The following CDH4 variants were observed in gnomAD, a reference collection of about 807,000 sequenced individuals.
The protein encoded by CDH4 is cadherin 4.
Under a neutral mutation model 86.0 loss-of-function variants are expected in CDH4, and 33 were observed. The ratio of observed to expected loss-of-function variants is 0.38; its 90% CI spans 0.29 to 0.51. The LOEUF is 0.51. Among genes scored for constraint, CDH4 ranks in the 20% least tolerant of loss-of-function variants. The pLI is 0.86. For missense variants in CDH4, 1,114 were observed against 1,307.4 expected, an observed-to-expected ratio of 0.85 and a Z score of 2.28; for synonymous variants, 555 against 549.4, an observed-to-expected ratio of 1.01 and a Z score of -0.14.
At chr20:61,826,019 C>A (rs2146074153) in intron 4 of CDH4, among the ~76,000 whole-genome samples, 1 of 152,310 alleles carries the variant, frequency 6.6e-6, no homozygotes, top group South Asian at 2.1e-4. Flanking sequence ...ACCCCAGCCA[C>A]CATCCTATGT....
Position 61,377,029 on chromosome 20 carries a change from T to C in CDH4, c.169+122092T>C, listed in dbSNP as rs1044358177. Among the ~76,000 whole-genome samples, 18 of 152,134 alleles carry C rather than the reference T, an allele frequency of 1.2e-4. No individual in the cohort carries two copies. Among genetic ancestry groups the C allele is most frequent in the African/African-American group, 4.3e-4 (18 of 41,420 alleles). On this transcript the variant is annotated intron_variant, in intron 2 of 15. Transcript: ENST00000614565. This position sits in a 1 kb window ranked among gnomAD's most constrained non-coding sequence, Gnocchi z 4.0. Reference sequence around the variant, plus strand: ...GCTAGTTAGGCAAGCTGGAAAGCTGTAGGATGATCAAAATATGAACGTGCA... The same window carrying C: ...GCTAGTTAGGCAAGCTGGAAAGCTGCAGGATGATCAAAATATGAACGTGCA...
intron 2 of CDH4, among the ~76,000 whole-genome samples, chr20:61,364,622 T>C (rs1276460479): frequency 6.6e-6 from 1 of 152,208 alleles, no homozygotes; most frequent in Non-Finnish European, 1.5e-5. Context: ...TCTACAGACA[T>C]CCTGGTGCAC....
At position 61,745,592 on chromosome 20, in the gene CDH4, C is replaced by T. The variant is rs116468857; in HGVS notation, c.396+1803C>T. On this transcript the variant is annotated intron_variant, in intron 3 of 15. Transcript: ENST00000614565. ...CATGAGCCCCACCTGTGAGTCCTGA[C>T]GAGTCTAGGACGGTGTATGTCATTT... Among the ~76,000 whole-genome samples, 465 of 151,334 alleles carry T rather than the reference C, an allele frequency of 3.1e-3. 4 individuals are homozygous for T. Among genetic ancestry groups the T allele is most frequent in the African/African-American group, 0.011 (445 of 41,246 alleles).
At chr20:61,401,573 G>A (rs918292387) in intron 2 of CDH4, among the ~76,000 whole-genome samples, 3 of 152,176 alleles carry the variant, frequency 2.0e-5, no homozygotes, top group African/African-American at 4.8e-5. Context: ...GGCTTCAGGT[G>A]TGGCTGGATC....
intron 2 of CDH4, among the ~76,000 whole-genome samples, chr20:61,535,609 C>T (rs1209881964): frequency 6.6e-6 from 1 of 152,162 alleles, no homozygotes; most frequent in Admixed American, 6.5e-5. Context: ...GATGAAAACG[C>T]GGGGGCCTTC....
At chr20:61,485,326 A>AG (rs1316776197) in intron 2 of CDH4, among the ~76,000 whole-genome samples, 2 of 152,162 alleles carry the variant, frequency 1.3e-5, no homozygotes, top group African/African-American at 2.4e-5. Flanking sequence ...GCTATTGTGG[A>AG]TCACAGCACC....
chr20:61,873,531 A>C (rs1317890341), intron 6 of CDH4, among the ~76,000 whole-genome samples, 197 bp from the exon 7 acceptor site: 1 of 152,254 alleles, frequency 6.6e-6, no homozygotes, highest in Non-Finnish European at 1.5e-5. Flanking sequence ...TCTAGAAGAA[A>C]TCCTTCTATG....
chr20:61,584,262 G>A (rs1056535472), intron 2 of CDH4, among the ~76,000 whole-genome samples: 6 of 152,142 alleles, frequency 3.9e-5, no homozygotes, highest in South Asian at 2.1e-4. Flanking sequence ...GCTCTTGCAC[G>A]TGCCTTCCAG....
chr20:61,415,011 C>T (rs1354431790), intron 2 of CDH4, among the ~76,000 whole-genome samples: 2 of 152,212 alleles, frequency 1.3e-5, no homozygotes, highest in Admixed American at 6.5e-5. Flanking sequence ...TTCAACCAGC[C>T]GGAGGGAGGC....
chr20:61,661,087 G>GGC lies in CDH4; in HGVS notation c.170-82475_170-82474insCG, dbSNP rs1555821297. Among the ~76,000 whole-genome samples, 16 of 141,846 alleles carry GGC rather than the reference G, an allele frequency of 1.1e-4. 1 individual carries two copies. Among genetic ancestry groups the GGC allele is most frequent in the African/African-American group, 4.3e-4 (15 of 35,290 alleles). The allele number at this position is 141,846 out of a possible 152,430, so 93.1% of individuals were successfully genotyped here. A position where few individuals can be genotyped will look rare whatever the true frequency, so the allele number is the denominator to read the frequency against. Reference sequence around the variant, plus strand: ...GCGGCATGGACAGGAGGCATGGCGGGGGGGGGGGAGACACAGTGCCAGGCT... The same window carrying GGC: ...GCGGCATGGACAGGAGGCATGGCGGGGCGGGGGGGGAGACACAGTGCCAGGCT... On this transcript the variant is annotated intron_variant, in intron 2 of 15. Transcript: ENST00000614565.
chr20:61,875,368 G>A (rs1207248093), intron 7 of CDH4, among the ~76,000 whole-genome samples: 11 of 152,062 alleles, frequency 7.2e-5, no homozygotes, highest in East Asian at 1.9e-4. Flanking sequence ...TGCGGCTTGC[G>A]GGGAAGGCGA....
chr20:61,829,616 C>G lies in CDH4; in HGVS notation c.577-15052C>G, dbSNP rs943046635. On this transcript the variant is annotated intron_variant, in intron 4 of 15. Coordinates refer to ENST00000614565, the MANE Select transcript of CDH4 (RefSeq NM_001794.5). This position sits in a 1 kb window ranked among gnomAD's most constrained non-coding sequence, Gnocchi z 4.2. The stretch of plus-strand genomic sequence containing the variant: ...CTGCGGGCCTCCTGTTGAGGAAGCC[C>G]TGGCGAGTGGGGGCTCCTCTGCCAA... Among the ~76,000 whole-genome samples the G allele has an allele frequency of 6.6e-6, 1 of 152,206 alleles. No homozygotes were observed. Among genetic ancestry groups the G allele is most frequent in the African/African-American group, 2.4e-5 (1 of 41,452 alleles).
intron 2 of CDH4, among the ~76,000 whole-genome samples, chr20:61,331,095 C>T (rs956045846): frequency 4.6e-5 from 7 of 152,102 alleles, no homozygotes; most frequent in African/African-American, 1.4e-4. Context: ...AGCCACCCCA[C>T]GTGTGGGAGG....
chr20:61,535,015 A>G (rs779979033), intron 2 of CDH4, among the ~76,000 whole-genome samples: 25 of 152,260 alleles, frequency 1.6e-4, no homozygotes, highest in South Asian at 1.0e-3. Flanking sequence ...CAAATAGATG[A>G]ATTCCCTCCT....
chr20:61,930,235 ACT>A (rs953425050), intron 13 of CDH4, among the ~76,000 whole-genome samples: 4 of 152,102 alleles, frequency 2.6e-5, no homozygotes, highest in African/African-American at 4.8e-5. Flanking sequence ...GTCCCAGGAC[ACT>A]CTCTGATTGG....
intron 4 of CDH4, among the ~76,000 whole-genome samples, chr20:61,832,027 T>A (rs1328679578): frequency 6.6e-6 from 1 of 152,130 alleles, no homozygotes; most frequent in African/African-American, 2.4e-5. Context: ...TGCCCACTCA[T>A]CCTGCAAGTT....
chr20:61,586,506 A>G (rs2086476792), intron 2 of CDH4, among the ~76,000 whole-genome samples: 1 of 152,168 alleles, frequency 6.6e-6, no homozygotes, highest in Non-Finnish European at 1.5e-5. Flanking sequence ...GTGTTAAGGT[A>G]TGGGAGACCC....
At chr20:61,756,976 G>T (rs114345750) in intron 3 of CDH4, among the ~76,000 whole-genome samples, 1 of 152,206 alleles carries the variant, frequency 6.6e-6, no homozygotes, top group Non-Finnish European at 1.5e-5. Context: ...CCCTCAACGG[G>T]ACTGAAAAAC....
At chr20:61,445,417 C>T (rs2085343757) in intron 2 of CDH4, among the ~76,000 whole-genome samples, 1 of 152,218 alleles carries the variant, frequency 6.6e-6, no homozygotes, top group South Asian at 2.1e-4. Context: ...CCATAGCACC[C>T]CATGCCAAGA....
Sources: allele counts gnomAD v4.1 joint callset (sites outside exome capture counted in the v4.1 genomes callset), GRCh38; gene constraint gnomAD v4.1.1; non-coding constraint Gnocchi (gnomAD v3.1); transcripts MANE v1.5; gene names NCBI Gene and HGNC (gene_info 2026-07-23, HGNC 2026-07-21).